ATP6V1B1: variants seen among roughly 807,000 people sequenced by gnomAD.
ATP6V1B1 encodes the protein ATPase H+ transporting V1 subunit B1, also known as V-type proton ATPase subunit B, kidney isoform.
In ATP6V1B1, 41 loss-of-function variants were observed where a neutral mutation model predicts 62.1. The ratio of observed to expected loss-of-function variants is 0.66; its 90% CI spans 0.51 to 0.86. The LOEUF is 0.86. Among genes scored for constraint, ATP6V1B1 ranks in the 40% least tolerant of loss-of-function variants. The probability of loss-of-function intolerance (pLI) is 0.00; values close to 1 mark genes in which losing one functional copy is unlikely to be tolerated. For synonymous variants in ATP6V1B1, 253 were observed against 273.4 expected, an observed-to-expected ratio of 0.93 and a Z score of 0.74; for missense variants, 651 against 697.5, an observed-to-expected ratio of 0.93 and a Z score of 0.75.
Position 70,961,017 on chromosome 2 carries a change from A to G in ATP6V1B1, c.682A>G (p.Met228Val), listed in dbSNP as rs782014619. ...DDNFAIVFAAMGVNMETARFF... is the reference protein window; with the variant it reads ...DDNFAIVFAAVGVNMETARFF... ...CAACTTCGCCATCGTCTTTGCAGCCATGGGGGTGAGGAGACTTAGTAGACT... is the reference window on the plus strand; with the variant it reads ...CAACTTCGCCATCGTCTTTGCAGCCGTGGGGGTGAGGAGACTTAGTAGACT... The change falls in exon 7 of 14, where the codon ATG becomes GTG. Residue 228 changes from methionine (M) to valine (V), a missense_variant. Met to Val is a conservative substitution (Grantham distance 21). Coordinates refer to ENST00000234396, the MANE Select transcript of ATP6V1B1 (RefSeq NM_001692.4). 8 of 1,581,286 alleles carry G rather than the reference A, an allele frequency of 5.1e-6. No individual in the cohort carries two copies. The highest frequency in any genetic ancestry group is 6.9e-6 in the Non-Finnish European group (8 of 1,163,132).
chr2:70,936,192 CT>C, intron 1 of ATP6V1B1, 120 bp downstream of exon 1: 1 of 1,025,958 alleles, frequency 9.7e-7, no homozygotes, highest in South Asian at 1.5e-5. Flanking sequence ...CTGGGGAGAC[CT>C]GGAGGGCTCT....
In ATP6V1B1 at chr2:70,963,752, C is replaced by T; in HGVS notation, c.1143+98C>T. 4 of 1,310,932 alleles carry T rather than the reference C, an allele frequency of 3.1e-6. No individual in the cohort carries two copies. The highest frequency in any genetic ancestry group is 4.4e-6 in the Non-Finnish European group (4 of 919,084). 81.2% of individuals were successfully genotyped at this position (1,310,932 alleles called of 1,614,324 possible). On this transcript the variant is annotated intron_variant, in intron 11 of 13. Coordinates refer to ENST00000234396, the MANE Select transcript of ATP6V1B1 (RefSeq NM_001692.4). This position sits in a 1 kb window ranked among gnomAD's most constrained non-coding sequence, Gnocchi z 4.3. ...CCAGGCATGAATTAGGAGGGGCCAG[C>T]CAAAGCGAACCCCAAACAGGAGACA...
chr2:70,964,114 A>ATTTTTT (rs66905923), intron 11 of ATP6V1B1: 5,807 of 126,750 alleles, frequency 0.046, 857 homozygotes, highest in South Asian at 0.071. Flanking sequence ...CTTGGCAGGT[A>ATTTTTT]TTTTTTTTTT....
In ATP6V1B1 at chr2:70,941,978, G is replaced by A. The variant is rs1183760052; in HGVS notation, c.119-1680G>A. The A allele has an allele frequency of 7.8e-6, 8 of 1,020,234 alleles. No homozygotes were observed. The South Asian group carries it at 1.9e-4, about 24-fold the overall frequency. 63.2% of individuals were successfully genotyped at this position (1,020,234 alleles called of 1,614,324 possible). On this transcript the variant is annotated intron_variant, in intron 1 of 13. Transcript: ENST00000234396. ...TGGGGAAGGAAAGCCAGCAGTGGGG[G>A]GCCATGCTTGTGAGGGGAGGAACTG...
In ATP6V1B1 at chr2:70,964,548, G is replaced by A; in HGVS notation, c.1248+6G>A. The stretch of plus-strand genomic sequence containing the variant: ...GAGATGTCTCCAACCAGCTGGTAAG[G>A]AGAAGAGGGTCCGGGGGCTGGTAGG... On this transcript the variant is annotated splice_donor_region_variant and intron_variant, in intron 12 of 13. Coordinates refer to ENST00000234396, the MANE Select transcript of ATP6V1B1 (RefSeq NM_001692.4). The A allele has an allele frequency of 1.2e-6, 2 of 1,613,928 alleles. No homozygotes were observed. The highest frequency in any genetic ancestry group is 1.1e-5 in the South Asian group (1 of 91,068).
chr2:70,951,667 G>A (rs1680324933), intron 2 of ATP6V1B1, among the ~76,000 whole-genome samples: 1 of 152,128 alleles, frequency 6.6e-6, no homozygotes, highest in African/African-American at 2.4e-5. Flanking sequence ...CAGCACTTCA[G>A]GACGCCGAGG....
chr2:70,964,048 C>T, intron 11 of ATP6V1B1: 2 of 414,704 alleles, frequency 4.8e-6, no homozygotes, highest in African/African-American at 2.1e-5. Flanking sequence ...GGCTAACTAA[C>T]ACACATCTGT....
chr2:70,943,722 C>T lies in ATP6V1B1; in HGVS notation c.174+9C>T. The T allele has an allele frequency of 6.2e-7, 1 of 1,613,422 alleles. No individual in the cohort carries two copies. Among genetic ancestry groups the T allele is most frequent in the Non-Finnish European group, 8.5e-7 (1 of 1,179,960 alleles). On this transcript the variant is annotated intron_variant, in intron 2 of 13. Coordinates refer to ENST00000234396, the MANE Select transcript of ATP6V1B1 (RefSeq NM_001692.4). The stretch of plus-strand genomic sequence containing the variant: ...TGCTGGACCGGGTCAAGGTAAGACT[C>T]TTCTGCTGCCTCCCTGGCACTAAGG...
chr2:70,949,060 T>G (rs1553417881), intron 2 of ATP6V1B1, among the ~76,000 whole-genome samples: 1 of 152,046 alleles, frequency 6.6e-6, no homozygotes, highest in East Asian at 1.9e-4. Flanking sequence ...AAATAATACA[T>G]GCTCCTTGTA....
In ATP6V1B1 at chr2:70,964,378, G is replaced by T. The variant is rs1572924062; in HGVS notation, c.1144-60G>T. On this transcript the variant is annotated intron_variant, in intron 11 of 13. Coordinates refer to ENST00000234396, the MANE Select transcript of ATP6V1B1 (RefSeq NM_001692.4). ...GGAGCTTCTCCTGAGAACAATTTGG[G>T]GACAGGGGGAGCAAAGCTTGAGTCC... is the stretch of plus-strand genomic sequence containing the variant. The T allele has an allele frequency of 2.6e-6, 4 of 1,560,524 alleles. No individual in the cohort carries two copies. In the East Asian group the frequency reaches 9.0e-5, roughly 35 times the overall value.
intron 7 of ATP6V1B1, 96 bp downstream of exon 7, chr2:70,961,118 A>G (rs1680575648): frequency 1.5e-6 from 2 of 1,311,474 alleles, no homozygotes; most frequent in African/African-American, 2.9e-5. Context: ...TGGGGAAGCC[A>G]TCAGTGTCCC....
chr2:70,943,482 C>T, intron 1 of ATP6V1B1, 176 bp from the exon 2 acceptor site: 1 of 743,846 alleles, frequency 1.3e-6, no homozygotes, highest in South Asian at 1.5e-5. Context: ...GCCCTGCGGG[C>T]AGGGGCATGA....
intron 2 of ATP6V1B1, among the ~76,000 whole-genome samples, chr2:70,952,138 C>T (rs1230051441): frequency 1.3e-5 from 2 of 152,040 alleles, no homozygotes; most frequent in Non-Finnish European, 2.9e-5. Flanking sequence ...TAGTTGCCTT[C>T]CATTCCTGTT....
chr2:70,963,479 A>G lies in ATP6V1B1; in HGVS notation c.1061-93A>G. 3.3e-6 allele frequency: 5 copies of G among 1,528,768 alleles called. No homozygotes were observed. The highest frequency in any genetic ancestry group is 3.6e-6 in the Non-Finnish European group (4 of 1,105,760). 94.7% of individuals were successfully genotyped at this position (1,528,768 alleles called of 1,614,324 possible). A position where few individuals can be genotyped will look rare whatever the true frequency, so the allele number is the denominator to read the frequency against. ...CCATCCATGCCCCCCACACATCCCT[A>G]TCACTCCCATGAGGGAAACAGACCC... On this transcript the variant is annotated intron_variant, in intron 10 of 13. Transcript: ENST00000234396. The surrounding 1 kb of genome is among the most constrained non-coding windows in gnomAD (Gnocchi z 4.3).
chr2:70,958,262 G>A (rs1278955325), intron 3 of ATP6V1B1, 71 bp from the exon 4 acceptor site: 8 of 1,595,420 alleles, frequency 5.0e-6, no homozygotes, highest in South Asian at 3.3e-5. Flanking sequence ...AGCACAGAAA[G>A]TGCCCAGAAT....
chr2:70,945,853 C>T (rs1553417262), intron 2 of ATP6V1B1, among the ~76,000 whole-genome samples: 1 of 151,130 alleles, frequency 6.6e-6, no homozygotes. Context: ...ACTACACTTC[C>T]CCCTATTCCC....
chr2:70,938,536 G>C, intron 1 of ATP6V1B1: 1 of 985,238 alleles, frequency 1.0e-6, no homozygotes, highest in Non-Finnish European at 1.2e-6. Flanking sequence ...CCTCCCCCGG[G>C]GGAGGTGGGC....
intron 2 of ATP6V1B1, among the ~76,000 whole-genome samples, chr2:70,944,842 G>GT (rs200031958): frequency 0.014 from 2,056 of 152,108 alleles, 20 homozygotes; most frequent in Non-Finnish European, 0.022. Flanking sequence ...CTGATTATTT[G>GT]TTTTTTAGCA....
At chr2:70,957,068 T>C (rs1680454332) in intron 2 of ATP6V1B1, among the ~76,000 whole-genome samples, 2 of 151,184 alleles carry the variant, frequency 1.3e-5, no homozygotes, top group Admixed American at 6.6e-5. Context: ...TTGATTATTA[T>C]GGTTTAAAAG....
Sources: allele counts gnomAD v4.1 joint callset (sites outside exome capture counted in the v4.1 genomes callset), GRCh38; gene constraint gnomAD v4.1.1; non-coding constraint Gnocchi (gnomAD v3.1); transcripts MANE v1.5; gene names NCBI Gene and HGNC (gene_info 2026-07-23, HGNC 2026-07-21).